Variants in KIT observed in about 807,000 individuals in gnomAD.
KIT encodes the protein mast/stem cell growth factor receptor Kit.
In KIT, 16 loss-of-function variants were observed where a neutral mutation model predicts 105.7. The ratio of observed to expected loss-of-function variants is 0.15; its 90% confidence interval spans 0.10 to 0.23. KIT has a LOEUF of 0.23. Ranked by LOEUF, KIT falls within the 10% of genes least tolerant of loss-of-function variation. KIT has a pLI of 1.00. For missense variants in KIT, 858 were observed against 1,213.8 expected (o/e 0.71, Z 4.36); for synonymous variants, 438 against 441.1 (o/e 0.99, Z 0.09).
At chr4:54,731,484 T>A in intron 15 of KIT, 65 bp downstream of exon 15, 1 of 1,091,482 alleles carries the variant, frequency 9.2e-7, no homozygotes, top group Non-Finnish European at 1.4e-6. Context: ...CATGCTAATG[T>A]GGAATATAAC....
chr4:54,683,297 A>G (rs1156859733), intron 1 of KIT, among the ~76,000 whole-genome samples: 2 of 152,234 alleles, frequency 1.3e-5, no homozygotes, highest in African/African-American at 4.8e-5. Flanking sequence ...CTCTACCAGT[A>G]TATATTTTCC....
intron 1 of KIT, among the ~76,000 whole-genome samples, chr4:54,666,311 C>T (rs1445786791): frequency 6.6e-6 from 1 of 152,072 alleles, no homozygotes; most frequent in Non-Finnish European, 1.5e-5. Flanking sequence ...GACAGAGTCT[C>T]ACTCTGTCGC....
At chr4:54,676,455 C>T (rs1446913785) in intron 1 of KIT, among the ~76,000 whole-genome samples, 1 of 152,144 alleles carries the variant, frequency 6.6e-6, no homozygotes, top group Non-Finnish European at 1.5e-5. Flanking sequence ...AACGTCAGAC[C>T]AGGGTGCAAT....
intron 1 of KIT, among the ~76,000 whole-genome samples, chr4:54,670,218 G>T (rs1221634605): frequency 6.6e-6 from 1 of 152,212 alleles, no homozygotes; most frequent in Non-Finnish European, 1.5e-5. Context: ...ATCTGAGAGA[G>T]ATGTTTCAGG....
chr4:54,674,800 C>A (rs1317737028), intron 1 of KIT, among the ~76,000 whole-genome samples: 1 of 152,132 alleles, frequency 6.6e-6, no homozygotes, highest in Non-Finnish European at 1.5e-5. Flanking sequence ...CATCCGAGTG[C>A]CAGGAAACTC....
chr4:54,665,530 G>T (rs540771798), intron 1 of KIT, among the ~76,000 whole-genome samples: 6 of 152,236 alleles, frequency 3.9e-5, no homozygotes, highest in Non-Finnish European at 7.4e-5. Flanking sequence ...GGATAAAGGT[G>T]CAGGTCTTCT....
At chr4:54,686,633 C>T (rs554723324) in intron 1 of KIT, among the ~76,000 whole-genome samples, 1 of 152,310 alleles carries the variant, frequency 6.6e-6, no homozygotes, top group South Asian at 2.1e-4. Flanking sequence ...CAGCCTCGAC[C>T]TCTTGGGCTT....
intron 14 of KIT, among the ~76,000 whole-genome samples, chr4:54,730,903 C>T (rs1722545136): frequency 6.6e-6 from 1 of 152,072 alleles, no homozygotes; most frequent in African/African-American, 2.4e-5. Context: ...CTCCATCAGT[C>T]ACTATATGTT....
chr4:54,733,962 T>C (rs1317094216), intron 17 of KIT, among the ~76,000 whole-genome samples: 3 of 152,018 alleles, frequency 2.0e-5, no homozygotes, highest in Non-Finnish European at 4.4e-5. Flanking sequence ...TTCCTGGAGG[T>C]GGATTTTTGT....
At chr4:54,718,140 G>A (rs186948147) in intron 7 of KIT, among the ~76,000 whole-genome samples, 8 of 152,224 alleles carry the variant, frequency 5.3e-5, no homozygotes, top group Non-Finnish European at 7.3e-5. Context: ...TTGTTCCGTC[G>A]CCTAAGCTGT....
In KIT at chr4:54,731,426, A is replaced by C. The variant is rs2109792983; in HGVS notation, c.2233+7A>C. Reference sequence around the variant, plus strand: ...AGGAGATCTGTGAGAATAGGTGAGTACCTACCTATCAAGCAACCAAGAGTA... The same window carrying C: ...AGGAGATCTGTGAGAATAGGTGAGTCCCTACCTATCAAGCAACCAAGAGTA... On this transcript the variant is annotated splice_region_variant and intron_variant, in intron 15 of 20. Coordinates refer to ENST00000288135, the MANE Select transcript of KIT (RefSeq NM_000222.3). The C allele has an allele frequency of 6.3e-7, 1 of 1,589,870 alleles. No individual in the cohort carries two copies. Among genetic ancestry groups the C allele is most frequent in the Non-Finnish European group, 8.6e-7 (1 of 1,158,082 alleles).
intron 7 of KIT, 79 bp downstream of exon 7, chr4:54,709,618 C>A: frequency 2.4e-6 from 2 of 846,810 alleles, no homozygotes; most frequent in Non-Finnish European, 4.1e-6. Context: ...TGCAAGGACT[C>A]AACTTGTGTA....
chr4:54,717,594 A>G (rs1271153336), intron 7 of KIT, among the ~76,000 whole-genome samples: 1 of 152,154 alleles, frequency 6.6e-6, no homozygotes, highest in Non-Finnish European at 1.5e-5. Flanking sequence ...TCCCTTTTAT[A>G]TTGTGGAACT....
At chr4:54,669,783 T>C (rs893223258) in intron 1 of KIT, among the ~76,000 whole-genome samples, 4 of 151,302 alleles carry the variant, frequency 2.6e-5, no homozygotes, top group African/African-American at 9.7e-5. Flanking sequence ...TTCAGTTCCA[T>C]ATTGTGGTTA....
At chr4:54,689,884 C>T (rs1307883296) in intron 1 of KIT, among the ~76,000 whole-genome samples, 4 of 152,112 alleles carry the variant, frequency 2.6e-5, no homozygotes, top group Admixed American at 6.5e-5. Flanking sequence ...ACTGTACTCC[C>T]TCCCCACACC....
intron 1 of KIT, among the ~76,000 whole-genome samples, chr4:54,659,164 G>A (rs1198675071): frequency 6.6e-6 from 1 of 152,208 alleles, no homozygotes; most frequent in African/African-American, 2.4e-5. Context: ...CTGGGGGTGG[G>A]GTGGGAGATG....
chr4:54,720,607 T>A (rs1159253325), intron 7 of KIT, among the ~76,000 whole-genome samples: 1 of 152,194 alleles, frequency 6.6e-6, no homozygotes, highest in African/African-American at 2.4e-5. Context: ...AAATAGAAAC[T>A]TTTCATCACC....
At chr4:54,727,571 C>T (rs1018421455) in intron 11 of KIT, 29 bp downstream of exon 11, 2 of 1,613,816 alleles carry the variant, frequency 1.2e-6, no homozygotes, top group African/African-American at 2.7e-5. Context: ...CTTTCCATGT[C>T]ACCTTTTTGG....
At chr4:54,671,335 A>T (rs553755143) in intron 1 of KIT, among the ~76,000 whole-genome samples, 1 of 152,294 alleles carries the variant, frequency 6.6e-6, no homozygotes, top group South Asian at 2.1e-4. Flanking sequence ...TCCAAGATAA[A>T]GGCTGTCTGG....
Sources: allele counts gnomAD v4.1 joint callset (sites outside exome capture counted in the v4.1 genomes callset), GRCh38; gene constraint gnomAD v4.1.1; transcripts MANE v1.5; gene names NCBI Gene and HGNC (gene_info 2026-07-23, HGNC 2026-07-21).